LHPP: variants seen among roughly 807,000 people sequenced by gnomAD.
LHPP encodes hLHPP.
LHPP carries 24 observed loss-of-function variants against 30.3 expected under a neutral mutation model. The observed-to-expected ratio is 0.79, with a 90% CI of 0.57 to 1.11. The LOEUF is 1.11. Among genes scored for constraint, LHPP ranks in the 50% most tolerant of loss-of-function variants. The pLI is 0.00. For synonymous variants in LHPP, 150 were observed against 157.1 expected (o/e 0.95, Z 0.34); for missense variants, 356 against 367.2 (o/e 0.97, Z 0.25).
At chr10:124,506,694 TTGG>T (rs1564796550) in intron 5 of LHPP, among the ~76,000 whole-genome samples, 7 of 62,224 alleles carry the variant, frequency 1.1e-4, no homozygotes, top group East Asian at 6.9e-4. Context: ...AGATTTCAGG[TTGG>T]CGGGTAGGGA....
chr10:124,611,047 T>A (rs1564853375), intron 6 of LHPP, among the ~76,000 whole-genome samples: 1 of 150,558 alleles, frequency 6.6e-6, no homozygotes, highest in Non-Finnish European at 1.5e-5. Context: ...CGGGTGCGGG[T>A]GAGGGGGCCG....
rs1028284608 is a variant in LHPP at position 124,517,769 on chromosome 10, T to C, written c.716+498T>C. ...CAGAACCTCCATCTCAAGAAGAAGG[T>C]TGTGTTTTATTTGCTGGCAAAAGTC... On this transcript the variant is annotated intron_variant, in intron 6 of 6. Transcript: ENST00000368842. The surrounding 1 kb of genome is among the most constrained non-coding windows in gnomAD (Gnocchi z 4.1). Among the ~76,000 whole-genome samples, 30 of 151,932 alleles carry C rather than the reference T, an allele frequency of 2.0e-4. No individual in the cohort carries two copies. The highest frequency in any genetic ancestry group is 3.8e-4 in the Non-Finnish European group (26 of 67,970).
At position 124,498,030 on chromosome 10, in the gene LHPP, TC is replaced by T; in HGVS notation, c.532-3del. On this transcript the variant is annotated splice_polypyrimidine_tract_variant and splice_region_variant and intron_variant, in intron 4 of 6. Transcript: ENST00000368842. ...ACTTATGCCATGTCCCTCTCTCTTT[TC>T]CCAGTATGCCTGTGGCATCAAAGCC... 1 of 1,612,386 alleles carries T rather than the reference TC, an allele frequency of 6.2e-7. No homozygotes were observed.
intron 6 of LHPP, among the ~76,000 whole-genome samples, chr10:124,537,604 C>T (rs10901755): frequency 3.3e-5 from 5 of 151,942 alleles, no homozygotes; most frequent in Non-Finnish European, 4.4e-5. Context: ...GGACCGTGCT[C>T]GTGAGAGATG....
At chr10:124,545,548 G>T (rs1481814045) in intron 6 of LHPP, among the ~76,000 whole-genome samples, 1 of 152,200 alleles carries the variant, frequency 6.6e-6, no homozygotes, top group Admixed American at 6.5e-5. Context: ...GGACTATGCA[G>T]GCGCCTTATT....
At chr10:124,526,867 C>T (rs1409126861) in intron 6 of LHPP, among the ~76,000 whole-genome samples, 1 of 152,166 alleles carries the variant, frequency 6.6e-6, no homozygotes, top group African/African-American at 2.4e-5. Context: ...GGGAGGGGAC[C>T]CAGGCAGATC....
intron 2 of LHPP, among the ~76,000 whole-genome samples, chr10:124,486,779 G>A (rs1953340897): frequency 1.3e-5 from 2 of 152,332 alleles, no homozygotes; most frequent in South Asian, 4.1e-4. Flanking sequence ...ACAGAAACAG[G>A]TGTTCACTGT....
intron 6 of LHPP, among the ~76,000 whole-genome samples, chr10:124,561,668 G>C (rs752769316): frequency 6.6e-6 from 1 of 151,630 alleles, no homozygotes; most frequent in Non-Finnish European, 1.5e-5. Flanking sequence ...CAGAGGCCAA[G>C]TGGGGAACCT....
intron 6 of LHPP, among the ~76,000 whole-genome samples, chr10:124,599,305 G>A (rs1829653877): frequency 6.6e-6 from 1 of 151,916 alleles, no homozygotes; most frequent in South Asian, 2.1e-4. Flanking sequence ...CATCCACCCA[G>A]GCGAGCACCT....
In LHPP at chr10:124,544,081, GT is replaced by G. The variant is rs564820952; in HGVS notation, c.716+26811del. ...CTCGCAGCCAAGCCTGGTGACAGCAGTGGGGTGACCCTGCGAGGCCCCTCGG... is the reference window on the plus strand; with the variant it reads ...CTCGCAGCCAAGCCTGGTGACAGCAGGGGGTGACCCTGCGAGGCCCCTCGG... On this transcript the variant is annotated intron_variant, in intron 6 of 6. Coordinates refer to ENST00000368842, the MANE Select transcript of LHPP (RefSeq NM_022126.4). Among the ~76,000 whole-genome samples the G allele has an allele frequency of 1.3e-3, 195 of 152,380 alleles. 1 individual carries two copies. Among genetic ancestry groups the G allele is most frequent in the African/African-American group, 3.8e-3 (160 of 41,598 alleles).
At chr10:124,539,519 G>T (rs1379580653) in intron 6 of LHPP, among the ~76,000 whole-genome samples, 1 of 152,112 alleles carries the variant, frequency 6.6e-6, no homozygotes, top group African/African-American at 2.4e-5. Flanking sequence ...CCAGCACTTT[G>T]GGAGGCCAAG....
chr10:124,545,308 C>T (rs1341592470), intron 6 of LHPP, among the ~76,000 whole-genome samples: 1 of 152,356 alleles, frequency 6.6e-6, no homozygotes, highest in African/African-American at 2.4e-5. Context: ...CAGGCCATCC[C>T]AGGATGAACT....
At chr10:124,587,755 A>C (rs1398867747) in intron 6 of LHPP, among the ~76,000 whole-genome samples, 4 of 150,750 alleles carry the variant, frequency 2.7e-5, no homozygotes, top group African/African-American at 9.8e-5. Context: ...AAAAAAAAAA[A>C]AAAAAAAAAA....
At chr10:124,586,351 A>C (rs1948803545) in intron 6 of LHPP, among the ~76,000 whole-genome samples, 1 of 152,202 alleles carries the variant, frequency 6.6e-6, no homozygotes, top group African/African-American at 2.4e-5. Context: ...GCAGAGAAAG[A>C]TGGGAACTGT....
intron 5 of LHPP, among the ~76,000 whole-genome samples, chr10:124,515,317 T>C (rs1408371716): frequency 6.6e-6 from 1 of 152,208 alleles, no homozygotes; most frequent in African/African-American, 2.4e-5. Context: ...TCCCTGACAT[T>C]GTAGTTTTCA....
chr10:124,504,615 G>A lies in LHPP; in HGVS notation c.624+6487G>A, dbSNP rs540696265. ...ACCCTGTCTCAAAAAAAAAAAAATA[G>A]GAAAGCAAGAAGGAAGGAAGGAAAG... On this transcript the variant is annotated intron_variant, in intron 5 of 6. Coordinates refer to ENST00000368842, the MANE Select transcript of LHPP (RefSeq NM_022126.4). Among the ~76,000 whole-genome samples the A allele has an allele frequency of 6.2e-5, 9 of 144,038 alleles. No homozygotes were observed. In the South Asian group the frequency reaches 2.0e-3, roughly 32 times the overall value. 94.5% of individuals were successfully genotyped at this position (144,038 alleles called of 152,430 possible). A position where few individuals can be genotyped will look rare whatever the true frequency, so the allele number is the denominator to read the frequency against.
chr10:124,518,608 C>T (rs1455085464), intron 6 of LHPP, among the ~76,000 whole-genome samples: 5 of 152,202 alleles, frequency 3.3e-5, no homozygotes, highest in South Asian at 2.1e-4. Context: ...CGGTGTGGCT[C>T]GGCAGGAGGT....
rs148428626 is a variant in LHPP at position 124,608,830 on chromosome 10, C to T, written c.717-4434C>T. Among the ~76,000 whole-genome samples, 321 of 152,368 alleles carry T rather than the reference C, an allele frequency of 2.1e-3. 3 individuals carry two copies. The highest frequency in any genetic ancestry group is 7.4e-3 in the African/African-American group (308 of 41,584). ...GAGTAAGCCGGAGAGCATCAGCAGC[C>T]TCAAGGGGACCTTGGACCCCTGCCC... On this transcript the variant is annotated intron_variant, in intron 6 of 6. Transcript: ENST00000368842.
intron 3 of LHPP, among the ~76,000 whole-genome samples, chr10:124,491,333 G>A (rs1203898166): frequency 6.6e-6 from 1 of 152,226 alleles, no homozygotes; most frequent in Admixed American, 6.5e-5. Context: ...GCCTCTGCTT[G>A]CTGTACGGGA....
Sources: allele counts gnomAD v4.1 joint callset (sites outside exome capture counted in the v4.1 genomes callset), GRCh38; gene constraint gnomAD v4.1.1; non-coding constraint Gnocchi (gnomAD v3.1); transcripts MANE v1.5; gene names NCBI Gene and HGNC (gene_info 2026-07-23, HGNC 2026-07-21).